The following HAGH variants were observed in gnomAD, a reference collection of about 807,000 sequenced individuals.
The protein encoded by HAGH is hydroxyacylglutathione hydrolase, mitochondrial.
Under a neutral mutation model 35.1 loss-of-function variants are expected in HAGH, and 29 were observed. That is an observed-to-expected ratio of 0.83 (90% CI 0.62 to 1.13). The LOEUF is 1.13. Ranked by LOEUF, HAGH falls within the 50% of genes most tolerant of loss-of-function variation. HAGH has a pLI of 0.00. For synonymous variants in HAGH, 225 were observed against 176.1 expected, an observed-to-expected ratio of 1.28 and a Z score of -2.20; for missense variants, 478 against 419.6, an observed-to-expected ratio of 1.14 and a Z score of -1.22.
intron 1 of HAGH, among the ~76,000 whole-genome samples, chr16:1,824,778 C>T (rs185800634): frequency 2.4e-4 from 37 of 152,320 alleles, no homozygotes; most frequent in Non-Finnish European, 5.0e-4. Context: ...ACCCGCCTGA[C>T]AACCAGCTGG....
At position 1,819,167 on chromosome 16, in the gene HAGH, A is replaced by G; in HGVS notation, c.489T>C (p.Ile163=). Residue 163 remains isoleucine (I), a synonymous_variant, in exon 5 of 9, where the codon ATT becomes ATC. Transcript: ENST00000397356. ...CTCCGGGCTTGCTCACGAAGTAACA[A>G]ATGTGTCCTGAAGTGTGGCACGGGG... The part of the protein sequence containing the change: ...LATPCHTSGH[I]CYFVSKPGGS... 6.2e-7 allele frequency: 1 copy of G among 1,613,366 alleles called. No homozygotes were observed. The highest frequency in any genetic ancestry group is 1.1e-5 in the South Asian group (1 of 91,068).
chr16:1,823,047 CAG>C lies in HAGH; in HGVS notation c.77-12_77-11del. ...CCCAGCAGGGCTGGACCTGCAGACA[CAG>C]AGCACAACTCAGCGGGCAGCCGCGC... On this transcript the variant is annotated splice_polypyrimidine_tract_variant and intron_variant, in intron 1 of 8. Transcript: ENST00000397356. 2.5e-6 allele frequency: 4 copies of C among 1,612,930 alleles called. No homozygotes were observed. Among genetic ancestry groups the C allele is most frequent in the Non-Finnish European group, 3.4e-6 (4 of 1,179,692 alleles).
chr16:1,814,766 C>T (rs1233917299), intron 7 of HAGH, among the ~76,000 whole-genome samples: 5 of 151,042 alleles, frequency 3.3e-5, no homozygotes, highest in South Asian at 2.1e-4. Context: ...GGCGTGGTGA[C>T]GGGCACCTGT....
intron 8 of HAGH, 86 bp from the exon 9 acceptor site, chr16:1,809,468 G>A: frequency 1.8e-6 from 2 of 1,129,014 alleles, no homozygotes; most frequent in Admixed American, 1.9e-5. Context: ...GGCGACTCGT[G>A]CTGGCCGAGC....
intron 1 of HAGH, among the ~76,000 whole-genome samples, chr16:1,824,463 A>G (rs923610921): frequency 6.6e-6 from 1 of 152,224 alleles, no homozygotes; most frequent in African/African-American, 2.4e-5. Context: ...CAGTCGACCA[A>G]TGCAAAAATA....
At chr16:1,817,470 A>G (rs951782880) in intron 5 of HAGH, among the ~76,000 whole-genome samples, 199 bp from the exon 6 acceptor site, 2 of 152,034 alleles carry the variant, frequency 1.3e-5, no homozygotes, top group African/African-American at 2.4e-5. Context: ...TGACAGTCCA[A>G]CCACCCAACT....
At chr16:1,819,834 G>C in intron 4 of HAGH, 63 bp downstream of exon 4, 1 of 1,011,114 alleles carries the variant, frequency 9.9e-7, no homozygotes, top group Non-Finnish European at 1.6e-6. Flanking sequence ...TGCGGGGAGG[G>C]ACCCCCCTCC....
At position 1,819,110 on chromosome 16, in the gene HAGH, C is replaced by A; in HGVS notation, c.541+5G>T. 1 of 1,578,482 alleles carries A rather than the reference C, an allele frequency of 6.3e-7. No individual in the cohort carries two copies. Among genetic ancestry groups the A allele is most frequent in the Non-Finnish European group, 8.7e-7 (1 of 1,148,248 alleles). On this transcript the variant is annotated splice_donor_5th_base_variant and intron_variant, in intron 5 of 8. Coordinates refer to ENST00000397356, the MANE Select transcript of HAGH (RefSeq NM_005326.6). ...CCCCGCCCCCACCCACACTCGAACA[C>A]GCACCTGTGAACACGGCAGGGGGCT...
At chr16:1,820,105 C>T in intron 3 of HAGH, 91 bp from the exon 4 acceptor site, 1 of 735,518 alleles carries the variant, frequency 1.4e-6, no homozygotes, top group South Asian at 1.5e-5. Flanking sequence ...TGAGGGGCTG[C>T]CTGCTGCTCT....
intron 6 of HAGH, 62 bp from the exon 7 acceptor site, chr16:1,817,056 A>C: frequency 1.4e-6 from 2 of 1,384,546 alleles, no homozygotes; most frequent in Non-Finnish European, 2.1e-6. Context: ...GTCCTCAGGG[A>C]CGGGACCTGG....
intron 1 of HAGH, 30 bp downstream of exon 1, chr16:1,826,682 C>A: frequency 1.0e-6 from 1 of 992,872 alleles, no homozygotes; most frequent in Non-Finnish European, 1.2e-6. Flanking sequence ...GGCCCGCGTC[C>A]CCCGGCCCGC....
In HAGH at chr16:1,809,837, CAAGAG is replaced by C. The variant is rs1567250349; in HGVS notation, c.748-9_748-5del. On this transcript the variant is annotated splice_polypyrimidine_tract_variant and splice_region_variant and intron_variant, in intron 7 of 8. Coordinates refer to ENST00000397356, the MANE Select transcript of HAGH (RefSeq NM_005326.6). The stretch of plus-strand genomic sequence containing the variant: ...GCTCCCCGATGCTGTACTTCTCCTG[CAAGAG>C]AAACGCACCACTTTATCACGGGAAC... 1 of 1,611,806 alleles carries C rather than the reference CAAGAG, an allele frequency of 6.2e-7. No homozygotes were observed. Among genetic ancestry groups the C allele is most frequent in the Non-Finnish European group, 8.5e-7 (1 of 1,177,870 alleles).
In HAGH at chr16:1,820,793, G is replaced by A. The variant is rs184415564; in HGVS notation, c.315-779C>T. 6.6e-5 allele frequency among the ~76,000 whole-genome samples: 10 copies of A among 152,260 alleles called. No homozygotes were observed. The East Asian group carries it at 1.4e-3, about 21-fold the overall frequency. On this transcript the variant is annotated intron_variant, in intron 3 of 8. Transcript: ENST00000397356. ...AAGATAACAGGGTGGAGTGGTGGCC[G>A]CTGCCCTCTGCCCCTCCCACCCTTC...
intron 7 of HAGH, 121 bp downstream of exon 7, chr16:1,816,772 G>A: frequency 1.5e-6 from 1 of 684,556 alleles, no homozygotes; most frequent in Non-Finnish European, 2.6e-6. Context: ...ACACTGGCCT[G>A]AATCCCAGGC....
intron 3 of HAGH, 143 bp from the exon 4 acceptor site, chr16:1,820,157 G>A: frequency 1.5e-6 from 1 of 682,584 alleles, no homozygotes; most frequent in South Asian, 1.7e-5. Flanking sequence ...CACTCACAAA[G>A]GAAACCGAGG....
At chr16:1,809,465 C>T (rs758599116) in intron 8 of HAGH, 83 bp from the exon 9 acceptor site, 79 of 1,165,446 alleles carry the variant, frequency 6.8e-5, no homozygotes, top group Admixed American at 1.1e-4. Context: ...GAAGGCGACT[C>T]GTGCTGGCCG....
intron 8 of HAGH, 90 bp from the exon 9 acceptor site, chr16:1,809,472 G>T (rs771518118): frequency 3.8e-6 from 4 of 1,054,322 alleles, no homozygotes; most frequent in Admixed American, 1.9e-5. Context: ...ACTCGTGCTG[G>T]CCGAGCCCAG....
At chr16:1,809,507 G>C in intron 8 of HAGH, 125 bp from the exon 9 acceptor site, 1 of 770,674 alleles carries the variant, frequency 1.3e-6, no homozygotes, top group Non-Finnish European at 2.1e-6. Flanking sequence ...GGAGGGCGGG[G>C]AGGCGGCAGC....
chr16:1,818,421 T>A (rs1319525582), intron 5 of HAGH: 2 of 152,340 alleles, frequency 1.3e-5, no homozygotes, highest in Non-Finnish European at 2.9e-5. Flanking sequence ...CCTGCACCCC[T>A]GGTTTGACTC....
Sources: gnomAD v4.1 joint callset for allele counts (sites outside exome capture counted in the v4.1 genomes callset) on GRCh38, gnomAD v4.1.1 for gene constraint, MANE v1.5 for transcripts, NCBI Gene and HGNC (gene_info 2026-07-23, HGNC 2026-07-21) for gene names.